The following FAP variants were observed in gnomAD, a reference collection of about 807,000 sequenced individuals.
FAP encodes fibroblast activation protein alpha.
FAP carries 110 observed loss-of-function variants against 126.5 expected under a neutral mutation model. The observed-to-expected ratio is 0.87, with a 90% CI of 0.74 to 1.02. The LOEUF is 1.02. Among genes scored for constraint, FAP ranks in the 50% least tolerant of loss-of-function variants. The probability of loss-of-function intolerance (pLI) is 0.00; values close to 1 mark genes in which losing one functional copy is unlikely to be tolerated. For synonymous variants in FAP, 334 were observed against 297.3 expected (o/e 1.12, Z -1.27); for missense variants, 919 against 909.2 (o/e 1.01, Z -0.14).
chr2:162,193,592 T>A (rs923295116), intron 17 of FAP: 4 of 152,142 alleles, frequency 2.6e-5, no homozygotes, highest in Non-Finnish European at 5.9e-5. Context: ...CAAAACCTTG[T>A]CGACTTGAAA....
chr2:162,209,129 T>A (rs11885948), intron 12 of FAP, among the ~76,000 whole-genome samples: 57 of 151,914 alleles, frequency 3.8e-4, no homozygotes, highest in African/African-American at 1.2e-3. Context: ...GATTTCTGAC[T>A]TTTTTTTGTC....
chr2:162,181,511 A>G lies in FAP; in HGVS notation c.1869+1903T>C, dbSNP rs1576137590. Among the ~76,000 whole-genome samples the G allele has an allele frequency of 2.0e-5, 3 of 152,266 alleles. 1 individual carries two copies. The South Asian group carries it at 6.2e-4, about 32-fold the overall frequency. On this transcript the variant is annotated intron_variant, in intron 21 of 25. Transcript: ENST00000188790. ...CTGTGTGCACCATGCTCTTTAACTC[A>G]GGTCCTGGGCAATGTGGTTTTCACT...
At chr2:162,173,079 C>A in intron 24 of FAP, 70 bp downstream of exon 24, 1 of 1,413,628 alleles carries the variant, frequency 7.1e-7, no homozygotes, top group Non-Finnish European at 1.0e-6. Flanking sequence ...TAGGAGGATG[C>A]TTAATGTTTC....
intron 12 of FAP, among the ~76,000 whole-genome samples, chr2:162,204,158 C>A (rs1218071418): frequency 2.0e-5 from 3 of 152,122 alleles, no homozygotes; most frequent in Non-Finnish European, 4.4e-5. Flanking sequence ...GCTACAAAGA[C>A]CTATCCTGGT....
At chr2:162,216,590 A>G (rs1182398432) in intron 9 of FAP, among the ~76,000 whole-genome samples, 1 of 152,190 alleles carries the variant, frequency 6.6e-6, no homozygotes. Flanking sequence ...TGTGCTTTCT[A>G]TACTACTGTA....
chr2:162,190,830 C>T (rs1403067438), intron 17 of FAP, among the ~76,000 whole-genome samples: 16 of 152,058 alleles, frequency 1.1e-4, no homozygotes, highest in Admixed American at 1.1e-3. Flanking sequence ...GTTTGCCAAA[C>T]CACTTCTCTT....
chr2:162,187,671 A>G (rs906043867), intron 20 of FAP, among the ~76,000 whole-genome samples: 7 of 152,104 alleles, frequency 4.6e-5, no homozygotes, highest in African/African-American at 1.7e-4. Context: ...GTTTTTGTCA[A>G]ACGAAAATAG....
At chr2:162,241,924 A>T (rs1690368709) in intron 2 of FAP, among the ~76,000 whole-genome samples, 1 of 152,128 alleles carries the variant, frequency 6.6e-6, no homozygotes. Context: ...AATTTTCGAA[A>T]ACATTTTTCT....
At chr2:162,191,365 C>T (rs769072097) in intron 17 of FAP, among the ~76,000 whole-genome samples, 14 of 152,160 alleles carry the variant, frequency 9.2e-5, no homozygotes, top group Non-Finnish European at 1.9e-4. Flanking sequence ...AATTTTTCCA[C>T]CTCTTGGAGC....
chr2:162,171,435 G>A (rs745761819), intron 25 of FAP: 1 of 176,414 alleles, frequency 5.7e-6, no homozygotes, highest in Non-Finnish European at 1.2e-5. Flanking sequence ...AAAACAAAGG[G>A]GTTGGAGTTG....
At position 162,207,892 on chromosome 2, in the gene FAP, T is replaced by C. The variant is rs78957225; in HGVS notation, c.1047+2060A>G. ...TGCCCGGCTAATTTTTTTGTATTTT[T>C]AGTAGACGGGGTTTCACAGTGTTAG... On this transcript the variant is annotated intron_variant, in intron 12 of 25. Transcript: ENST00000188790. Among the ~76,000 whole-genome samples the C allele has an allele frequency of 3.3e-5, 5 of 151,292 alleles. No individual in the cohort carries two copies. The East Asian group carries it at 1.0e-3, about 31-fold the overall frequency.
intron 17 of FAP, 88 bp downstream of exon 17, chr2:162,194,613 G>C: frequency 8.6e-7 from 1 of 1,167,492 alleles, no homozygotes; most frequent in Non-Finnish European, 1.3e-6. Flanking sequence ...TTGGTGGTGT[G>C]GAGAAACTGT....
intron 2 of FAP, among the ~76,000 whole-genome samples, chr2:162,231,078 T>G (rs2106295017): frequency 6.6e-6 from 1 of 152,298 alleles, no homozygotes. Flanking sequence ...TGCACTCTTC[T>G]TTAAGTATAT....
intron 2 of FAP, among the ~76,000 whole-genome samples, chr2:162,230,119 C>A (rs1440479281): frequency 6.6e-6 from 1 of 152,076 alleles, no homozygotes; most frequent in Admixed American, 6.6e-5. Flanking sequence ...TGATGTCAGG[C>A]TGGGTACATT....
rs546988964 is a variant in FAP, at chr2:162,208,384, T to G, written c.1047+1568A>C. On this transcript the variant is annotated intron_variant, in intron 12 of 25. Coordinates refer to ENST00000188790, the MANE Select transcript of FAP (RefSeq NM_004460.5). ...AAGATACTGAAGATGCTTATAAATA[T>G]GAGCTTTCAAAAGATGCATTCTAAA... Among the ~76,000 whole-genome samples, 42 of 152,332 alleles carry G rather than the reference T, an allele frequency of 2.8e-4. 1 individual carries two copies. Among genetic ancestry groups the G allele is most frequent in the African/African-American group, 1.0e-3 (42 of 41,588 alleles).
chr2:162,225,948 G>A (rs552344364), intron 3 of FAP, among the ~76,000 whole-genome samples: 1 of 152,158 alleles, frequency 6.6e-6, no homozygotes, highest in East Asian at 1.9e-4. Flanking sequence ...AACTCACTTT[G>A]TATTAATTTT....
At chr2:162,236,568 A>G (rs1184405915) in intron 2 of FAP, among the ~76,000 whole-genome samples, 2 of 150,806 alleles carry the variant, frequency 1.3e-5, no homozygotes, top group East Asian at 1.9e-4. Flanking sequence ...CTGTGTGCCT[A>G]TTTCAATGTG....
chr2:162,233,223 C>T (rs1244302061), intron 2 of FAP, among the ~76,000 whole-genome samples: 4 of 152,172 alleles, frequency 2.6e-5, no homozygotes, highest in East Asian at 1.9e-4. Context: ...TTCCAAATTT[C>T]TCCAAGTAAA....
chr2:162,231,644 T>C (rs554416848), intron 2 of FAP, among the ~76,000 whole-genome samples: 97 of 152,374 alleles, frequency 6.4e-4, no homozygotes, highest in African/African-American at 2.2e-3. Flanking sequence ...ATTTCAATTA[T>C]GAATCCAAGA....
Sources: gnomAD v4.1 joint callset for allele counts (sites outside exome capture counted in the v4.1 genomes callset) on GRCh38, gnomAD v4.1.1 for gene constraint, MANE v1.5 for transcripts, NCBI Gene and HGNC (gene_info 2026-07-23, HGNC 2026-07-21) for gene names.